The following SNX30 variants were observed in gnomAD, a reference collection of about 807,000 sequenced individuals.
SNX30 encodes the protein sorting nexin family member 30, also known as sorting nexin-30.
Under a neutral mutation model 46.4 loss-of-function variants are expected in SNX30, and 24 were observed. That is an observed-to-expected ratio of 0.52 (90% CI 0.37 to 0.73). SNX30 has a LOEUF of 0.73. Ranked by LOEUF, SNX30 falls within the 30% of genes least tolerant of loss-of-function variation. SNX30 has a pLI of 0.00. For synonymous variants in SNX30, 189 were observed against 211.5 expected (o/e 0.89, Z 0.92); for missense variants, 533 against 555.7 (o/e 0.96, Z 0.41).
intron 1 of SNX30, among the ~76,000 whole-genome samples, chr9:112,772,284 GT>G (rs1033421051): frequency 6.6e-5 from 10 of 152,210 alleles, no homozygotes; most frequent in African/African-American, 2.4e-4. Context: ...AGGTGGCTCT[GT>G]TGGGGATTAG....
At chr9:112,821,758 T>C (rs1355264470) in intron 3 of SNX30, among the ~76,000 whole-genome samples, 4 of 151,692 alleles carry the variant, frequency 2.6e-5, no homozygotes, top group Non-Finnish European at 5.9e-5. Flanking sequence ...AGTGCTGGGA[T>C]TACAGGCTTG....
intron 4 of SNX30, among the ~76,000 whole-genome samples, chr9:112,833,711 A>C (rs545300530): frequency 1.3e-5 from 2 of 152,212 alleles, no homozygotes; most frequent in East Asian, 3.8e-4. Flanking sequence ...TGTGCAGTCC[A>C]GCGAGCCCAT....
rs571678636 is a variant in SNX30, at chr9:112,869,104, A to G, written c.*261A>G. On this transcript the variant is annotated 3_prime_UTR_variant, in exon 9 of 9. Coordinates refer to ENST00000374232, the MANE Select transcript of SNX30 (RefSeq NM_001012994.2). ...TGTGAAGGCATCTGTTCAGTGAAGCACTACGAAAATTTGAAACCAAGGGAC... is the reference window on the plus strand; with the variant it reads ...TGTGAAGGCATCTGTTCAGTGAAGCGCTACGAAAATTTGAAACCAAGGGAC... 5 of 436,252 alleles carry G rather than the reference A, an allele frequency of 1.1e-5. No individual in the cohort carries two copies. The highest frequency in any genetic ancestry group is 9.8e-5 in the African/African-American group (5 of 51,134). 27.0% of individuals were successfully genotyped at this position (436,252 alleles called of 1,614,324 possible).
At chr9:112,857,193 GCTC>G (rs1417737319) in intron 7 of SNX30, among the ~76,000 whole-genome samples, 2 of 152,278 alleles carry the variant, frequency 1.3e-5, no homozygotes, top group East Asian at 3.9e-4. Context: ...CAGCCTCTCT[GCTC>G]CTCATCTCAT....
At chr9:112,840,675 G>A (rs543822292) in intron 6 of SNX30, among the ~76,000 whole-genome samples, 52 of 152,190 alleles carry the variant, frequency 3.4e-4, no homozygotes, top group Admixed American at 6.5e-5. Flanking sequence ...TAGTAGAGAC[G>A]GGGTTTCCCC....
intron 1 of SNX30, among the ~76,000 whole-genome samples, chr9:112,794,541 A>T (rs1287006405): frequency 6.6e-6 from 1 of 152,194 alleles, no homozygotes; most frequent in East Asian, 1.9e-4. Flanking sequence ...GAGAGCCATC[A>T]TTTTACCCTT....
downstream of SNX30, chr9:112,885,606 C>T (rs1049256015): frequency 5.9e-4 from 90 of 152,104 alleles, 2 homozygotes; most frequent in Admixed American, 5.6e-3. Flanking sequence ...TGAAATGTGA[C>T]GTCCAAATCT....
At chr9:112,857,077 G>C (rs1009954364) in intron 7 of SNX30, among the ~76,000 whole-genome samples, 2 of 152,204 alleles carry the variant, frequency 1.3e-5, no homozygotes, top group African/African-American at 4.8e-5. Flanking sequence ...TGCTCCCTGA[G>C]GGGGCGCCCT....
chr9:112,817,523 C>T (rs1212214794), intron 2 of SNX30, among the ~76,000 whole-genome samples, 182 bp from the exon 3 acceptor site: 2 of 140,658 alleles, frequency 1.4e-5, no homozygotes, highest in African/African-American at 2.7e-5. Context: ...GAATTTTTAA[C>T]TGGGCTAAGT....
chr9:112,817,848 C>A, intron 3 of SNX30, 33 bp downstream of exon 3: 1 of 1,421,910 alleles, frequency 7.0e-7, no homozygotes, highest in Non-Finnish European at 1.0e-6. Flanking sequence ...TTGTTTCTCA[C>A]TTGTCCTGTG....
At position 112,818,872 on chromosome 9, in the gene SNX30, A is replaced by G. The variant is rs187314747; in HGVS notation, c.459+1057A>G. 1.4e-4 allele frequency among the ~76,000 whole-genome samples: 22 copies of G among 152,336 alleles called. No individual in the cohort carries two copies. In the East Asian group the frequency reaches 4.0e-3, roughly 28 times the overall value. Reference sequence around the variant, plus strand: ...GAACGATGGCTCTCACCTGGGACTCAGTTCTTTCTCAGGGTATCTCCTTTT... The same window carrying G: ...GAACGATGGCTCTCACCTGGGACTCGGTTCTTTCTCAGGGTATCTCCTTTT... On this transcript the variant is annotated intron_variant, in intron 3 of 8. Transcript: ENST00000374232.
intron 1 of SNX30, among the ~76,000 whole-genome samples, chr9:112,790,314 T>C (rs1349619173): frequency 6.6e-6 from 1 of 152,252 alleles, no homozygotes; most frequent in Non-Finnish European, 1.5e-5. Flanking sequence ...TTATATGTAC[T>C]AGTCAGCTTT....
chr9:112,848,934 G>T (rs1383656251), intron 6 of SNX30, among the ~76,000 whole-genome samples: 1 of 152,206 alleles, frequency 6.6e-6, no homozygotes, highest in Non-Finnish European at 1.5e-5. Context: ...GAGCCCCCAC[G>T]CTGTGCTGGC....
chr9:112,805,218 G>A (rs10759585), intron 2 of SNX30, among the ~76,000 whole-genome samples: 57,545 of 104,076 alleles, frequency 0.55, 11,442 homozygotes, highest in Middle Eastern at 0.64. Context: ...CTATACTTGC[G>A]CTTATTTTTT....
intron 7 of SNX30, among the ~76,000 whole-genome samples, chr9:112,860,162 G>A (rs993152151): frequency 1.3e-5 from 2 of 151,898 alleles, no homozygotes; most frequent in African/African-American, 4.8e-5. Flanking sequence ...TGGCCAGGGT[G>A]GTCTCGATCT....
In SNX30 at chr9:112,750,942, A is replaced by C; in HGVS notation, c.-60A>C. On this transcript the variant is annotated 5_prime_UTR_variant, in exon 1 of 9. Coordinates refer to ENST00000374232, the MANE Select transcript of SNX30 (RefSeq NM_001012994.2). Reference sequence around the variant, plus strand: ...GGGGCTCGGCCCGGGGTGCTCGGGGAGCTCGCCGCGGCGGGCAGCAGGAGG... The same window carrying C: ...GGGGCTCGGCCCGGGGTGCTCGGGGCGCTCGCCGCGGCGGGCAGCAGGAGG... 1.7e-6 allele frequency: 2 copies of C among 1,177,232 alleles called. No individual in the cohort carries two copies. Among genetic ancestry groups the C allele is most frequent in the Non-Finnish European group, 2.1e-6 (2 of 954,102 alleles). The allele number at this position is 1,177,232 out of a possible 1,614,324, so 72.9% of individuals were successfully genotyped here.
At chr9:112,775,043 A>G (rs1839717464) in intron 1 of SNX30, among the ~76,000 whole-genome samples, 2 of 149,976 alleles carry the variant, frequency 1.3e-5, no homozygotes, top group South Asian at 4.2e-4. Context: ...ATGGGGTTTC[A>G]CTGTGTTGGT....
At chr9:112,752,877 G>T (rs1442307698) in intron 1 of SNX30, among the ~76,000 whole-genome samples, 3 of 152,160 alleles carry the variant, frequency 2.0e-5, no homozygotes, top group Admixed American at 2.0e-4. Context: ...CTGGATTAGG[G>T]GAGGATCCAC....
intron 6 of SNX30, among the ~76,000 whole-genome samples, chr9:112,847,809 G>A (rs1283597333): frequency 6.6e-6 from 1 of 152,192 alleles, no homozygotes; most frequent in Non-Finnish European, 1.5e-5. Context: ...TCTTGTGAGT[G>A]TGAGGCCCTC....
Sources: allele counts gnomAD v4.1 joint callset (sites outside exome capture counted in the v4.1 genomes callset), GRCh38; gene constraint gnomAD v4.1.1; transcripts MANE v1.5; gene names NCBI Gene and HGNC (gene_info 2026-07-23, HGNC 2026-07-21).